Variants in PI4K2A observed in about 807,000 individuals in gnomAD.
PI4K2A encodes phosphatidylinositol 4-kinase type 2 alpha, also known as phosphatidylinositol 4-kinase type 2-alpha.
PI4K2A carries 20 observed loss-of-function variants against 55.0 expected under a neutral mutation model. That is an observed-to-expected ratio of 0.36 (90% CI 0.26 to 0.53). The LOEUF is 0.53. Among genes scored for constraint, PI4K2A ranks in the 20% least tolerant of loss-of-function variants. The pLI, the probability that PI4K2A is intolerant of heterozygous loss-of-function variation, is 0.91. For missense variants in PI4K2A, 463 were observed against 637.1 expected (o/e 0.73, Z 2.94); for synonymous variants, 235 against 258.5 (o/e 0.91, Z 0.87).
chr10:97,660,202 C>T (rs183244759), intron 4 of PI4K2A, among the ~76,000 whole-genome samples: 2,368 of 150,192 alleles, frequency 0.016, 58 homozygotes, highest in African/African-American at 0.05. Flanking sequence ...GGGGTTTCAC[C>T]GTGTTAGCCA....
intron 8 of PI4K2A, among the ~76,000 whole-genome samples, chr10:97,669,465 A>AG (rs11446738): frequency 0.47 from 72,047 of 151,868 alleles, 18,219 homozygotes; most frequent in African/African-American, 0.66. Flanking sequence ...TCAGGATGGT[A>AG]GGGAGGTTGG....
Position 97,667,112 on chromosome 10 carries a change from C to CG in PI4K2A, c.1274dup (p.Gln426ProfsTer37). The CG allele has an allele frequency of 1.2e-6, 2 of 1,611,340 alleles. No individual in the cohort carries two copies. The highest frequency in any genetic ancestry group is 1.7e-6 in the Non-Finnish European group (2 of 1,177,668). On this transcript the variant is annotated frameshift_variant, in exon 8 of 9. Coordinates refer to ENST00000370631, the Ensembl canonical transcript of PI4K2A. LOFTEE classifies it high-confidence loss of function. ...GTTCCATAAGCAGATTGCTGTCATG[C>CG]GGGGCCAGGTAAGCCTGGGACATCC...
chr10:97,650,659 C>T (rs1038799785), intron 1 of PI4K2A, among the ~76,000 whole-genome samples: 3 of 152,192 alleles, frequency 2.0e-5, no homozygotes, highest in African/African-American at 7.2e-5. Context: ...GAGGTAGGTA[C>T]TTATATGAGG....
At chr10:97,644,864 GA>G (rs1245128656) in intron 1 of PI4K2A, among the ~76,000 whole-genome samples, 1 of 152,134 alleles carries the variant, frequency 6.6e-6, no homozygotes, top group East Asian at 1.9e-4. Flanking sequence ...GAGATTGGGA[GA>G]ACCAGCACTT....
intron 2 of PI4K2A, among the ~76,000 whole-genome samples, chr10:97,651,424 T>C (rs1198398391): frequency 6.6e-6 from 1 of 152,216 alleles, no homozygotes; most frequent in African/African-American, 2.4e-5. Flanking sequence ...GAATCCCAGC[T>C]AACCCCAAGC....
At chr10:97,664,327 A>T (rs1261460220) in intron 5 of PI4K2A, among the ~76,000 whole-genome samples, 1 of 152,228 alleles carries the variant, frequency 6.6e-6, no homozygotes. Flanking sequence ...GTCACAGGTG[A>T]CATGCCCACT....
chr10:97,640,873 C>T lies in PI4K2A; in HGVS notation c.131C>T (p.Ser44Leu), dbSNP rs2041463581. ...GTCCGAGTGGCGGCGGCGGCCGGCTCGGGCCCCTCTCCGCCGGGCTCGCCG... is the reference window on the plus strand; with the variant it reads ...GTCCGAGTGGCGGCGGCGGCCGGCTTGGGCCCCTCTCCGCCGGGCTCGCCG... Residue 44 changes from serine (S) to leucine (L), a missense_variant, in exon 1 of 9, where the codon TCG becomes TTG. Transcript: ENST00000370631. 9.1e-6 allele frequency: 12 copies of T among 1,312,684 alleles called. No homozygotes were observed. In the South Asian group the frequency reaches 1.6e-4, roughly 17 times the overall value. The allele number at this position is 1,312,684 out of a possible 1,614,324, so 81.3% of individuals were successfully genotyped here. A position where few individuals can be genotyped will look rare whatever the true frequency, so the allele number is the denominator to read the frequency against.
intron 4 of PI4K2A, among the ~76,000 whole-genome samples, chr10:97,657,479 A>C (rs2041560373): frequency 6.6e-6 from 1 of 151,946 alleles, no homozygotes; most frequent in African/African-American, 2.4e-5. Flanking sequence ...ACCAGCCTGG[A>C]CAACATGGTG....
chr10:97,640,877 C>T, exon 1 of PI4K2A: 3 of 1,307,354 alleles, frequency 2.3e-6, no homozygotes, highest in Non-Finnish European at 1.9e-6. Context: ...CCGGCTCGGG[C>T]CCCTCTCCGC....
chr10:97,652,459 ATT>A (rs1039339179), intron 2 of PI4K2A, among the ~76,000 whole-genome samples: 1 of 144,620 alleles, frequency 6.9e-6, no homozygotes, highest in South Asian at 2.2e-4. Context: ...TGCCTGGCTA[ATT>A]TTTTTTTTTT....
Position 97,670,073 on chromosome 10 carries a change from AT to A in PI4K2A, c.1278+2961del, listed in dbSNP as rs554616539. Among the ~76,000 whole-genome samples the A allele has an allele frequency of 3.6e-3, 552 of 151,666 alleles. 1 individual carries two copies. The highest frequency in any genetic ancestry group is 6.6e-3 in the Non-Finnish European group (450 of 67,830). The stretch of plus-strand genomic sequence containing the variant: ...AGGCATGCACCACCATTTCTGGGTA[AT>A]TTTTTTTAAGAGGTGGGGTCTCGCT... On this transcript the variant is annotated intron_variant, in intron 8 of 8. Transcript: ENST00000370631.
At chr10:97,658,344 A>G (rs2041565571) in intron 4 of PI4K2A, among the ~76,000 whole-genome samples, 1 of 152,214 alleles carries the variant, frequency 6.6e-6, no homozygotes, top group South Asian at 2.1e-4. Context: ...AGGTACATCT[A>G]TGATGTAGTA....
At position 97,656,458 on chromosome 10, in the gene PI4K2A, G is replaced by A. The variant is rs756110266; in HGVS notation, c.768+42G>A. The A allele has an allele frequency of 6.3e-7, 1 of 1,594,684 alleles. No homozygotes were observed. The highest frequency in any genetic ancestry group is 2.2e-5 in the East Asian group (1 of 44,598). On this transcript the variant is annotated intron_variant, in intron 3 of 8. Transcript: ENST00000370631. This position sits in a 1 kb window ranked among gnomAD's most constrained non-coding sequence, Gnocchi z 4.5. ...GGCTTATCAAGGGTCATGATTTATA[G>A]TGACATAGTCATCCAAGTGGTGAAG... is the stretch of plus-strand genomic sequence containing the variant.
chr10:97,666,024 C>T (rs1202632465), intron 6 of PI4K2A, among the ~76,000 whole-genome samples: 1 of 152,010 alleles, frequency 6.6e-6, no homozygotes, highest in Non-Finnish European at 1.5e-5. Context: ...AGCTTCCTAT[C>T]AGTGTTCTGT....
chr10:97,647,919 T>C (rs1380912732), intron 1 of PI4K2A, among the ~76,000 whole-genome samples: 2 of 150,946 alleles, frequency 1.3e-5, no homozygotes, highest in Non-Finnish European at 2.9e-5. Context: ...TGCTTGCTTT[T>C]TTTTTGTTGT....
chr10:97,660,097 G>C (rs1288128870), intron 4 of PI4K2A, among the ~76,000 whole-genome samples: 1 of 150,562 alleles, frequency 6.6e-6, no homozygotes, highest in Non-Finnish European at 1.5e-5. Flanking sequence ...CGCCTCCCGG[G>C]TTCACGCCAT....
intron 6 of PI4K2A, among the ~76,000 whole-genome samples, chr10:97,665,995 A>T (rs2041608071): frequency 1.3e-5 from 2 of 151,686 alleles, no homozygotes; most frequent in Admixed American, 1.3e-4. Context: ...AATTTATTCT[A>T]ATTGTGCCTC....
intron 2 of PI4K2A, among the ~76,000 whole-genome samples, chr10:97,655,136 G>A (rs1402281190): frequency 2.6e-5 from 4 of 152,098 alleles, no homozygotes; most frequent in Admixed American, 6.5e-5. Flanking sequence ...TTGGGAGGCC[G>A]AGGTAGGAGG....
At chr10:97,646,307 TG>T (rs1281563545) in intron 1 of PI4K2A, among the ~76,000 whole-genome samples, 1 of 151,400 alleles carries the variant, frequency 6.6e-6, no homozygotes, top group Non-Finnish European at 1.5e-5. Context: ...CTCTGCCTCC[TG>T]GGTTCAAGCA....
Sources: gnomAD v4.1 joint callset for allele counts (sites outside exome capture counted in the v4.1 genomes callset) on GRCh38, gnomAD v4.1.1 for gene constraint, Gnocchi (gnomAD v3.1) non-coding constraint, MANE v1.5 for transcripts, NCBI Gene and HGNC (gene_info 2026-07-23, HGNC 2026-07-21) for gene names.